Variants in ZC3HC1 observed in about 807,000 individuals in gnomAD.
ZC3HC1 encodes the protein zinc finger C3HC-type containing 1.
A neutral mutation model predicts 61.9 loss-of-function variants in ZC3HC1; 38 were observed. That is an observed-to-expected ratio of 0.61 (90% CI 0.47 to 0.81). The LOEUF is 0.81. ZC3HC1 is among the 30% of genes least tolerant of loss of function. The probability of loss-of-function intolerance (pLI) is 0.00; values close to 1 mark genes in which losing one functional copy is unlikely to be tolerated. For synonymous variants in ZC3HC1, 213 were observed against 229.9 expected (o/e 0.93, Z 0.67); for missense variants, 554 against 622.7 (o/e 0.89, Z 1.17).
At chr7:130,051,098 T>C in intron 1 of ZC3HC1, 123 bp downstream of exon 1, 1 of 1,291,830 alleles carries the variant, frequency 7.7e-7, no homozygotes, top group Non-Finnish European at 1.0e-6. Flanking sequence ...TCTTTCAGAT[T>C]CTAAGAAGCC....
At chr7:130,034,154 ATCCTGTTTTTCTTTCAT>A (rs1794331322) in intron 4 of ZC3HC1, among the ~76,000 whole-genome samples, 1 of 148,678 alleles carries the variant, frequency 6.7e-6, no homozygotes, top group African/African-American at 2.5e-5. Context: ...ATATTATTCT[ATCCTGTTTTTCTTTCAT>A]TTCCTTTTTT....
intron 5 of ZC3HC1, 159 bp from the exon 6 acceptor site, chr7:130,026,471 G>T (rs990682626): frequency 2.9e-6 from 2 of 691,716 alleles, no homozygotes; most frequent in Admixed American, 3.1e-5. Flanking sequence ...CAGGGACAGG[G>T]CTATAGTATC....
intron 9 of ZC3HC1, among the ~76,000 whole-genome samples, chr7:130,021,991 A>T (rs1793662364): frequency 6.6e-6 from 1 of 152,032 alleles, no homozygotes; most frequent in African/African-American, 2.4e-5. Flanking sequence ...CCTGGCCAAC[A>T]TGGTGAAACC....
intron 1 of ZC3HC1, among the ~76,000 whole-genome samples, chr7:130,050,271 G>A: frequency 6.6e-6 from 1 of 152,070 alleles, no homozygotes; most frequent in Non-Finnish European, 1.5e-5. Context: ...TAGAGATGGG[G>A]TTTCACCGTG....
intron 2 of ZC3HC1, 72 bp from the exon 3 acceptor site, chr7:130,041,173 TG>T: frequency 2.0e-6 from 3 of 1,516,986 alleles, no homozygotes; most frequent in Non-Finnish European, 2.7e-6. Context: ...TGTGTGTGTG[TG>T]TGTATACACA....
At position 130,023,755 on chromosome 7, in the gene ZC3HC1, G is replaced by T; in HGVS notation, c.1021-32C>A. 2 of 1,515,990 alleles carry T rather than the reference G, an allele frequency of 1.3e-6. No homozygotes were observed. Among genetic ancestry groups the T allele is most frequent in the South Asian group, 2.3e-5 (2 of 87,074 alleles). 93.9% of individuals were successfully genotyped at this position (1,515,990 alleles called of 1,614,324 possible). A position where few individuals can be genotyped will look rare whatever the true frequency, so the allele number is the denominator to read the frequency against. ...GAAAGGGGAGATAATGGAAGTACAC[G>T]AATGATATTAATGATTATGGTCAGA... On this transcript the variant is annotated intron_variant, in intron 7 of 9. Transcript: ENST00000358303. The surrounding 1 kb of genome is among the most constrained non-coding windows in gnomAD (Gnocchi z 4.2).
Position 130,022,472 on chromosome 7 carries a change from G to T in ZC3HC1, c.1287C>A (p.Cys429Ter). ...FDPTSQHRDW[C>*]PWVNITLGKE... The stretch of plus-strand genomic sequence containing the variant: ...TGCCAAGTGTGATATTCACCCAAGG[G>T]CACCAGTCTCTATGCTGAGAGGTGG... Residue 429 changes from cysteine (C) to a stop codon, truncating the protein, a stop_gained, in exon 9 of 10, where the codon TGC becomes TGA. Transcript: ENST00000358303. LOFTEE classifies it high-confidence loss of function. 6.2e-7 allele frequency: 1 copy of T among 1,612,708 alleles called. No individual in the cohort carries two copies. The highest frequency in any genetic ancestry group is 1.1e-5 in the South Asian group (1 of 90,878).
At chr7:130,051,383 G>T, upstream of ZC3HC1, 1 of 1,612,036 alleles carries the variant, frequency 6.2e-7, no homozygotes, top group Non-Finnish European at 8.5e-7. Context: ...CCGCTGCCGA[G>T]TTGCTTCCCC....
rs1162132720 is a variant in ZC3HC1, at chr7:130,051,246, CAA to C, written c.119_120del (p.Ile40SerfsTer20). On this transcript the variant is annotated frameshift_variant, in exon 1 of 10. Coordinates refer to ENST00000358303, the MANE Select transcript of ZC3HC1 (RefSeq NM_016478.5). LOFTEE classifies it high-confidence loss of function. ...QKIRQLIDEG[I>X]APEEGGVDAK... ...GCGTCCACGCCTCCCTCTTCCGGGG[CAA>C]TCCCCTCATCTATCAGCTGCCGGAT... The C allele has an allele frequency of 1.2e-6, 2 of 1,610,770 alleles. No homozygotes were observed. The highest frequency in any genetic ancestry group is 1.7e-6 in the Non-Finnish European group (2 of 1,178,630).
upstream of ZC3HC1, chr7:130,051,400 T>G: frequency 1.2e-6 from 2 of 1,611,830 alleles, no homozygotes; most frequent in Non-Finnish European, 8.5e-7. Flanking sequence ...CCCCGAGAGT[T>G]TGAAGGCTCC....
chr7:130,026,043 T>C, intron 6 of ZC3HC1, 115 bp downstream of exon 6: 1 of 1,285,864 alleles, frequency 7.8e-7, no homozygotes, highest in Admixed American at 2.5e-5. Context: ...TTTTTCTTTG[T>C]CTCTTTTTCT....
chr7:130,050,347 G>C (rs1368749439), intron 1 of ZC3HC1: 12 of 1,370,238 alleles, frequency 8.8e-6, no homozygotes. Flanking sequence ...CAAAGTGCTG[G>C]GATTATAGGC....
intron 4 of ZC3HC1, among the ~76,000 whole-genome samples, chr7:130,030,261 G>C (rs1452179279): frequency 6.7e-6 from 1 of 148,972 alleles, no homozygotes; most frequent in Non-Finnish European, 1.5e-5. Context: ...GTGCAATGGT[G>C]CGATCACGGC....
intron 1 of ZC3HC1, chr7:130,050,437 A>G: frequency 1.3e-6 from 2 of 1,532,368 alleles, no homozygotes; most frequent in Non-Finnish European, 1.7e-6. Flanking sequence ...AAAGAAATAA[A>G]CTTACTCTAA....
At position 130,024,293 on chromosome 7, in the gene ZC3HC1, C is replaced by T; in HGVS notation, c.990G>A (p.Gln330=). ...CTGAGCCTGGGGAGAAAGTGGCATCCTGGCTCCGGGTCATCATCCTCCGAG... is the reference window on the plus strand; with the variant it reads ...CTGAGCCTGGGGAGAAAGTGGCATCTTGGCTCCGGGTCATCATCCTCCGAG... ...ESPRRMMTRS[Q]DATFSPGSEQ... The change falls in exon 7 of 10, where the codon CAG becomes CAA. Residue 330 remains glutamine (Q), a synonymous_variant. Transcript: ENST00000358303. 6.2e-7 allele frequency: 1 copy of T among 1,611,992 alleles called. No individual in the cohort carries two copies. Among genetic ancestry groups the T allele is most frequent in the Non-Finnish European group, 8.5e-7 (1 of 1,178,674 alleles).
At chr7:130,048,143 G>GTTTTTTTT (rs11364921) in intron 2 of ZC3HC1, among the ~76,000 whole-genome samples, 1 of 73,736 alleles carries the variant, frequency 1.4e-5, no homozygotes, top group African/African-American at 5.8e-5. Flanking sequence ...TTTCCTAGTT[G>GTTTTTTTT]TTTTTTTTTT....
At chr7:130,049,288 C>T (rs1794984680) in intron 1 of ZC3HC1, 144 bp from the exon 2 acceptor site, 1 of 508,766 alleles carries the variant, frequency 2.0e-6, no homozygotes, top group East Asian at 3.4e-5. Context: ...CATGTCATTC[C>T]TCAGCTTATT....
At chr7:130,021,160 C>A (rs929671392) in intron 9 of ZC3HC1, among the ~76,000 whole-genome samples, 1 of 152,000 alleles carries the variant, frequency 6.6e-6, no homozygotes, top group Non-Finnish European at 1.5e-5. Flanking sequence ...TTCGCCTTGG[C>A]CTCCCAAAGT....
intron 4 of ZC3HC1, among the ~76,000 whole-genome samples, chr7:130,032,098 CCTGTAAT>C (rs1232933838): frequency 3.3e-5 from 5 of 151,948 alleles, no homozygotes; most frequent in Non-Finnish European, 7.4e-5. Flanking sequence ...GTGGTGGGTG[CCTGTAAT>C]CCTAGCTACT....
Sources: gnomAD v4.1 joint callset for allele counts (sites outside exome capture counted in the v4.1 genomes callset) on GRCh38, gnomAD v4.1.1 for gene constraint, Gnocchi (gnomAD v3.1) non-coding constraint, MANE v1.5 for transcripts, NCBI Gene and HGNC (gene_info 2026-07-23, HGNC 2026-07-21) for gene names.